The following MGAM variants were observed in gnomAD, a reference collection of about 807,000 sequenced individuals.
MGAM encodes the protein maltase-glucoamylase, also known as alpha-1,4-glucosidase.
In MGAM, 253 loss-of-function variants were observed where a neutral mutation model predicts 358.8. The ratio of observed to expected loss-of-function variants is 0.71; its 90% CI spans 0.64 to 0.78. The LOEUF is 0.78. Among genes scored for constraint, MGAM ranks in the 30% least tolerant of loss-of-function variants. The pLI, the probability that MGAM is intolerant of heterozygous loss-of-function variation, is 0.00. For synonymous variants in MGAM, 1,105 were observed against 1,227.1 expected, an observed-to-expected ratio of 0.90 and a Z score of 2.08; for missense variants, 3,080 against 3,432.6, an observed-to-expected ratio of 0.90 and a Z score of 2.57.
At chr7:142,047,929 T>C (rs1810541465) in intron 22 of MGAM, 56 bp downstream of exon 22, 9 of 1,271,470 alleles carry the variant, frequency 7.1e-6, no homozygotes, top group South Asian at 1.2e-5. Flanking sequence ...TGACTTATGG[T>C]CCTTCACTCC....
chr7:142,061,160 T>C (rs1212615316), intron 34 of MGAM, among the ~76,000 whole-genome samples: 1 of 152,166 alleles, frequency 6.6e-6, no homozygotes, highest in Non-Finnish European at 1.5e-5. Flanking sequence ...AACATTTTTA[T>C]GAAGTTGGAA....
chr7:142,008,362 A>G lies in MGAM; in HGVS notation c.128-144A>G, dbSNP rs558297204. 267 of 858,158 alleles carry G rather than the reference A, an allele frequency of 3.1e-4. 2 individuals carry two copies. In the South Asian group the frequency reaches 3.8e-3, roughly 12 times the overall value. The allele number at this position is 858,158 out of a possible 1,614,324, so 53.2% of individuals were successfully genotyped here. The stretch of plus-strand genomic sequence containing the variant: ...ATACAGTCAGCAGGAACAAAGTGAC[A>G]TTTTATAAAGTGAATGCATAAATTT... On this transcript the variant is annotated intron_variant, in intron 2 of 70. Transcript: ENST00000475668.
At position 142,106,137 on chromosome 7, in the gene MGAM, G is replaced by C. The variant is rs1487980513; in HGVS notation, c.*246G>C. On this transcript the variant is annotated 3_prime_UTR_variant, in exon 71 of 71. Transcript: ENST00000475668. The stretch of plus-strand genomic sequence containing the variant: ...ATGTCTCTGTGTGGTTAGTATGGTA[G>C]TGACTGTTCATCATATGACATTTAC... 3 of 351,454 alleles carry C rather than the reference G, an allele frequency of 8.5e-6. No individual in the cohort carries two copies. The highest frequency in any genetic ancestry group is 1.6e-5 in the Non-Finnish European group (3 of 184,764). The allele number at this position is 351,454 out of a possible 1,614,324, so 21.8% of individuals were successfully genotyped here.
At chr7:142,043,751 A>T (rs1205243670) in intron 21 of MGAM, among the ~76,000 whole-genome samples, 1 of 80,424 alleles carries the variant, frequency 1.2e-5, no homozygotes, top group African/African-American at 3.9e-5. Context: ...TTATATACAC[A>T]TACGACATAT....
chr7:141,998,964 C>T lies in MGAM; in HGVS notation c.-3+3034C>T, dbSNP rs1584890206. 3.3e-5 allele frequency among the ~76,000 whole-genome samples: 5 copies of T among 152,100 alleles called. No homozygotes were observed. The South Asian group carries it at 1.0e-3, about 32-fold the overall frequency. ...CCTAATTAAAATTGCCACCCTTACC[C>T]CAACATTCCTCATTTACCCCCCACT... On this transcript the variant is annotated intron_variant, in intron 1 of 70. Coordinates refer to ENST00000475668, the MANE Select transcript of MGAM (RefSeq NM_001365693.1).
At chr7:142,078,232 C>T in intron 47 of MGAM, 86 bp from the exon 48 acceptor site, 1 of 1,105,374 alleles carries the variant, frequency 9.0e-7, no homozygotes, top group African/African-American at 1.5e-5. Context: ...TTTGTTTTTC[C>T]AAAATAAATA....
rs1468873316 is a variant in MGAM, at chr7:142,062,184, T to G, written c.4123-384T>G. Among the ~76,000 whole-genome samples, 7 of 152,338 alleles carry G rather than the reference T, an allele frequency of 4.6e-5. No homozygotes were observed. The South Asian group carries it at 1.5e-3, about 32-fold the overall frequency. The stretch of plus-strand genomic sequence containing the variant: ...GAGGGAGTCCCTGGGTGTTTCTTCC[T>G]AACCTATTACCATGCATCTCATGTC... On this transcript the variant is annotated intron_variant, in intron 34 of 70. Coordinates refer to ENST00000475668, the MANE Select transcript of MGAM (RefSeq NM_001365693.1).
intron 70 of MGAM, among the ~76,000 whole-genome samples, chr7:142,104,387 A>T (rs1189926208): frequency 6.6e-6 from 1 of 152,132 alleles, no homozygotes; most frequent in African/African-American, 2.4e-5. Context: ...TTCATATTAA[A>T]CTGTTTTATT....
chr7:142,067,939 T>TATATATATATATATATATATATAA (rs1812912928), intron 42 of MGAM, among the ~76,000 whole-genome samples: 1 of 36,164 alleles, frequency 2.8e-5, no homozygotes, highest in East Asian at 8.3e-4. Context: ...CCCTCAAATA[T>TATATATATATATATATATATATAA]ATATATATAT....
intron 1 of MGAM, among the ~76,000 whole-genome samples, chr7:142,002,470 C>T (rs1302272568): frequency 4.6e-5 from 7 of 151,944 alleles, no homozygotes; most frequent in Admixed American, 4.6e-4. Flanking sequence ...AAAAACAAAA[C>T]CCATATGATC....
At position 142,073,613 on chromosome 7, in the gene MGAM, A is replaced by G. The variant is rs1324274162; in HGVS notation, c.5187-472A>G. Among the ~76,000 whole-genome samples the G allele has an allele frequency of 4.1e-5, 6 of 146,532 alleles. 2 individuals carry two copies. Among genetic ancestry groups the G allele is most frequent in the Non-Finnish European group, 9.3e-5 (6 of 64,704 alleles). On this transcript the variant is annotated intron_variant, in intron 44 of 70. Coordinates refer to ENST00000475668, the MANE Select transcript of MGAM (RefSeq NM_001365693.1). ...CTAATAATAAATAATCAGATACATT[A>G]CCATTTAGTAGATGGACCTTAGTGT... is the stretch of plus-strand genomic sequence containing the variant.
rs1441783781 is a variant in MGAM at position 142,077,817 on chromosome 7, A to G, written c.5494-501A>G. ...AATTAAAAAAAGAAATCATTTGTCC[A>G]ATATACTACATAAATGCGAGCATGA... On this transcript the variant is annotated intron_variant, in intron 47 of 70. Transcript: ENST00000475668. Among the ~76,000 whole-genome samples the G allele has an allele frequency of 2.7e-5, 4 of 145,848 alleles. 1 individual carries two copies. Among genetic ancestry groups the G allele is most frequent in the Non-Finnish European group, 6.2e-5 (4 of 64,434 alleles).
At chr7:142,046,243 A>G (rs1167382533) in intron 21 of MGAM, among the ~76,000 whole-genome samples, 2 of 150,584 alleles carry the variant, frequency 1.3e-5, no homozygotes, top group East Asian at 3.9e-4. Context: ...GAACAGTTGT[A>G]TACTCTGTGC....
intron 45 of MGAM, among the ~76,000 whole-genome samples, chr7:142,075,360 TC>T (rs1813652236): frequency 6.9e-6 from 1 of 145,870 alleles, no homozygotes; most frequent in South Asian, 2.2e-4. Flanking sequence ...GCAAAAAACC[TC>T]CTTGACGTAG....
rs1294962260 is a variant in MGAM at position 142,047,798 on chromosome 7, C to A, written c.2512C>A (p.Leu838Ile). 1.2e-6 allele frequency: 2 copies of A among 1,612,584 alleles called. No individual in the cohort carries two copies. Among genetic ancestry groups the A allele is most frequent in the Non-Finnish European group, 1.7e-6 (2 of 1,178,840 alleles). ...TTTLASRKNP[L>I]GLIIALDENK... The stretch of plus-strand genomic sequence containing the variant: ...TGTTCCCCACAGTCGAAAGAACCCT[C>A]TTGGTCTTATCATTGCCCTAGATGA... The change falls in exon 22 of 71, where the codon CTT (leucine) becomes ATT (isoleucine). Residue 838 changes from leucine (L) to isoleucine (I), a missense_variant. Physicochemically the swap from Leu to Ile is conservative, Grantham distance 5. Transcript: ENST00000475668.
At chr7:142,045,217 G>GTATATAATATATATTATATACATATGT (rs1563156883) in intron 21 of MGAM, among the ~76,000 whole-genome samples, 2 of 63,486 alleles carry the variant, frequency 3.2e-5, no homozygotes, top group African/African-American at 1.1e-4. Flanking sequence ...TAACATATAT[G>GTATATAATATATATTATATACATATGT]TATATAATAT....
intron 7 of MGAM, among the ~76,000 whole-genome samples, chr7:142,024,415 A>C (rs1300353684): frequency 1.8e-4 from 3 of 16,284 alleles, no homozygotes; most frequent in Non-Finnish European, 3.4e-4. Flanking sequence ...CCCTGTCTGG[A>C]AAAAAAAAAA....
chr7:142,031,843 A>T (rs782529623), intron 13 of MGAM, 50 bp downstream of exon 13: 6 of 1,282,676 alleles, frequency 4.7e-6, no homozygotes, highest in Non-Finnish European at 5.7e-6. Flanking sequence ...CAAATTGTGT[A>T]TATCTGTATC....
chr7:142,074,635 T>C (rs1255003753), intron 45 of MGAM, among the ~76,000 whole-genome samples: 1 of 146,260 alleles, frequency 6.8e-6, no homozygotes, highest in African/African-American at 2.4e-5. Flanking sequence ...TTCTTGTTCT[T>C]CAAGTTTAGG....
Sources: gnomAD v4.1 joint callset for allele counts (sites outside exome capture counted in the v4.1 genomes callset) on GRCh38, gnomAD v4.1.1 for gene constraint, MANE v1.5 for transcripts, NCBI Gene and HGNC (gene_info 2026-07-23, HGNC 2026-07-21) for gene names.